MIPEP: variants seen among roughly 807,000 people sequenced by gnomAD.
The protein encoded by MIPEP is mitochondrial intermediate peptidase.
A neutral mutation model predicts 90.3 loss-of-function variants in MIPEP; 79 were observed. The observed-to-expected ratio is 0.87, with a 90% CI of 0.73 to 1.05. MIPEP has a LOEUF of 1.05. Among genes scored for constraint, MIPEP ranks in the 50% least tolerant of loss-of-function variants. The pLI is 0.00. For synonymous variants in MIPEP, 334 were observed against 315.8 expected, an observed-to-expected ratio of 1.06 and a Z score of -0.61; for missense variants, 940 against 905.6, an observed-to-expected ratio of 1.04 and a Z score of -0.49.
intron 14 of MIPEP, among the ~76,000 whole-genome samples, chr13:23,816,344 T>C (rs553294837): frequency 4.6e-5 from 7 of 152,328 alleles, no homozygotes; most frequent in Non-Finnish European, 8.8e-5. Flanking sequence ...TTTGTTTTTG[T>C]TTCCCATCCC....
chr13:23,758,169 C>T (rs964262473), intron 17 of MIPEP, among the ~76,000 whole-genome samples: 5 of 152,154 alleles, frequency 3.3e-5, no homozygotes, highest in African/African-American at 4.8e-5. Context: ...GCCTGACTCC[C>T]GACCTGGGGT....
At chr13:23,835,462 C>A (rs1318653264) in intron 14 of MIPEP, among the ~76,000 whole-genome samples, 1 of 152,124 alleles carries the variant, frequency 6.6e-6, no homozygotes, top group Non-Finnish European at 1.5e-5. Context: ...TATTCGTCCC[C>A]TCATTTAATT....
At chr13:23,812,255 T>A (rs1212303033) in intron 14 of MIPEP, among the ~76,000 whole-genome samples, 1 of 151,972 alleles carries the variant, frequency 6.6e-6, no homozygotes, top group Non-Finnish European at 1.5e-5. Context: ...AAAGGCTTGA[T>A]GGATGTAGGA....
chr13:23,842,370 A>T (rs1440945901), intron 10 of MIPEP: 1 of 152,230 alleles, frequency 6.6e-6, no homozygotes, highest in African/African-American at 2.4e-5. Context: ...ATAGTTACTA[A>T]TAAATGAATG....
Position 23,756,571 on chromosome 13 carries a change from C to A in MIPEP, c.2018G>T (p.Gly673Val). Residue 673 changes from glycine (G) to valine (V), a missense_variant, in exon 18 of 19, where the codon GGC (glycine) becomes GTC (valine). Coordinates refer to ENST00000382172, the MANE Select transcript of MIPEP (RefSeq NM_005932.4). ...TTCAACCATGAGCATGGGCTCCCTGCCTCCACCGTGGGCCAGCATCTCCCT... is the reference window on the plus strand; with the variant it reads ...TTCAACCATGAGCATGGGCTCCCTGACTCCACCGTGGGCCAGCATCTCCCT... ...YRREMLAHGG[G>V]REPMLMVEGM... 1 of 1,614,000 alleles carries A rather than the reference C, an allele frequency of 6.2e-7. No homozygotes were observed. The highest frequency in any genetic ancestry group is 1.1e-5 in the South Asian group (1 of 91,084).
intron 2 of MIPEP, among the ~76,000 whole-genome samples, chr13:23,885,495 C>G (rs1871436088): frequency 6.6e-6 from 1 of 151,978 alleles, no homozygotes; most frequent in Non-Finnish European, 1.5e-5. Context: ...GGGATGGATA[C>G]CCCATTTTCC....
intron 16 of MIPEP, among the ~76,000 whole-genome samples, chr13:23,776,386 C>G (rs183999532): frequency 6.6e-6 from 1 of 152,302 alleles, no homozygotes; most frequent in East Asian, 1.9e-4. Context: ...CTCCCTCCTC[C>G]CTACTGTGGC....
chr13:23,774,523 G>A (rs1952690482), intron 16 of MIPEP, among the ~76,000 whole-genome samples: 6 of 152,104 alleles, frequency 3.9e-5, no homozygotes. Flanking sequence ...ACAATAGTAA[G>A]TCTTACAATC....
chr13:23,738,487 T>G (rs1462629138), intron 18 of MIPEP, among the ~76,000 whole-genome samples: 2 of 151,388 alleles, frequency 1.3e-5, no homozygotes, highest in African/African-American at 4.9e-5. Context: ...TGTCACTCTG[T>G]CACTCAGGCT....
In MIPEP at chr13:23,864,868, A is replaced by C. The variant is rs537616041; in HGVS notation, c.944-679T>G. On this transcript the variant is annotated intron_variant, in intron 7 of 18. Transcript: ENST00000382172. ...CTGACGTTTTCAGAGTTTTAAAGAG[A>C]TATCTAGACTGCTTTGTTCATAAAA... 3.9e-5 allele frequency among the ~76,000 whole-genome samples: 6 copies of C among 152,292 alleles called. No homozygotes were observed. In the East Asian group the frequency reaches 5.8e-4, roughly 15 times the overall value.
chr13:23,743,966 A>G (rs1163513358), intron 18 of MIPEP, among the ~76,000 whole-genome samples: 1 of 152,218 alleles, frequency 6.6e-6, no homozygotes, highest in Non-Finnish European at 1.5e-5. Context: ...TTACTTGGCT[A>G]TTATTCTGGG....
At chr13:23,780,630 A>G (rs1172508250) in intron 16 of MIPEP, among the ~76,000 whole-genome samples, 1 of 152,218 alleles carries the variant, frequency 6.6e-6, no homozygotes, top group Non-Finnish European at 1.5e-5. Context: ...TTGAGAGAAG[A>G]AGGCTTCAGA....
intron 11 of MIPEP, 114 bp downstream of exon 11, chr13:23,841,219 GGC>G: frequency 1.2e-6 from 1 of 816,718 alleles, no homozygotes; most frequent in South Asian, 2.2e-5. Context: ...GCAGAAATAA[GGC>G]AGGGGACACA....
intron 18 of MIPEP, among the ~76,000 whole-genome samples, chr13:23,733,255 T>C (rs1176949495): frequency 6.6e-6 from 1 of 151,168 alleles, no homozygotes; most frequent in Non-Finnish European, 1.5e-5. Context: ...GTGGAGGAGA[T>C]GGGATTGAGC....
At chr13:23,809,555 A>G (rs9510868) in intron 15 of MIPEP, among the ~76,000 whole-genome samples, 56,200 of 151,790 alleles carry the variant, frequency 0.37, 11,443 homozygotes, top group African/African-American at 0.55. Flanking sequence ...GTGTTGGTTA[A>G]GCTGGTCTCA....
chr13:23,756,347 G>A lies in MIPEP; in HGVS notation c.2044+198C>T, dbSNP rs1374350083. ...TTTTTGTATTTTTAGTAGAGACAGG[G>A]TTTCACCATGTTGGCCAGGCTGGTC... On this transcript the variant is annotated intron_variant, in intron 18 of 18. Transcript: ENST00000382172. The A allele has an allele frequency of 9.7e-6, 5 of 517,280 alleles. No homozygotes were observed. In the East Asian group the frequency reaches 1.5e-4, roughly 16 times the overall value. 32.0% of individuals were successfully genotyped at this position (517,280 alleles called of 1,614,324 possible).
chr13:23,874,967 T>C, intron 4 of MIPEP, 58 bp from the exon 5 acceptor site: 1 of 1,469,386 alleles, frequency 6.8e-7, no homozygotes, highest in Non-Finnish European at 9.2e-7. Context: ...AACAAAAAAA[T>C]TGTGGTTTTT....
intron 16 of MIPEP, among the ~76,000 whole-genome samples, chr13:23,778,926 C>T (rs1266029047): frequency 6.6e-6 from 1 of 152,218 alleles, no homozygotes; most frequent in African/African-American, 2.4e-5. Context: ...ATTAATCTCA[C>T]TCTCCTCAGA....
rs1953152454 is a variant in MIPEP at position 23,809,854 on chromosome 13, A to C, written c.1724T>G (p.Leu575Arg). Residue 575 changes from leucine (L) to arginine (R), a missense_variant, in exon 15 of 19, where the codon CTT (leucine) becomes CGT (arginine). Coordinates refer to ENST00000382172, the MANE Select transcript of MIPEP (RefSeq NM_005932.4). Reference protein sequence around the residue: ...KKVCAAADMQLQVFYATLDQI... With the variant: ...KKVCAAADMQRQVFYATLDQI... ...AGAACAAAGGTACATACATACCTGA[A>C]GTTGCATATCAGCTGCAGCACAAAC... The C allele has an allele frequency of 6.2e-7, 1 of 1,610,414 alleles. No homozygotes were observed. Among genetic ancestry groups the C allele is most frequent in the Non-Finnish European group, 8.5e-7 (1 of 1,176,972 alleles).
Sources: gnomAD v4.1 joint callset for allele counts (sites outside exome capture counted in the v4.1 genomes callset) on GRCh38, gnomAD v4.1.1 for gene constraint, MANE v1.5 for transcripts, NCBI Gene and HGNC (gene_info 2026-07-23, HGNC 2026-07-21) for gene names.